Variants in MCC observed in about 807,000 individuals in gnomAD.
The protein encoded by MCC is MCC regulator of Wnt signaling pathway, also known as colorectal mutant cancer protein.
MCC carries 90 observed loss-of-function variants against 116.2 expected under a neutral mutation model. The ratio of observed to expected loss-of-function variants is 0.77; its 90% CI spans 0.65 to 0.92. The LOEUF is 0.92. MCC is among the 40% of genes least tolerant of loss of function. MCC has a pLI of 0.00. For synonymous variants in MCC, 578 were observed against 510.5 expected, an observed-to-expected ratio of 1.13 and a Z score of -1.78; for missense variants, 1,516 against 1,312.2, an observed-to-expected ratio of 1.16 and a Z score of -2.40.
chr5:113,047,539 T>C (rs28614469), intron 16 of MCC, among the ~76,000 whole-genome samples: 6,795 of 152,228 alleles, frequency 0.045, 527 homozygotes, highest in African/African-American at 0.15. Flanking sequence ...TCACATGACA[T>C]CAGTACTGTT....
At chr5:113,337,945 C>T (rs1767909950) in intron 3 of MCC, among the ~76,000 whole-genome samples, 1 of 152,160 alleles carries the variant, frequency 6.6e-6, no homozygotes, top group Admixed American at 6.5e-5. Context: ...AACAAACTAC[C>T]GCAAACACAA....
intron 3 of MCC, among the ~76,000 whole-genome samples, chr5:113,288,190 C>T (rs1038438416): frequency 5.9e-5 from 9 of 152,250 alleles, no homozygotes. Context: ...TGGCCACTAA[C>T]TTCACTGGGC....
intron 1 of MCC, among the ~76,000 whole-genome samples, chr5:113,476,463 T>C (rs1007628425): frequency 6.6e-6 from 1 of 152,282 alleles, no homozygotes; most frequent in African/African-American, 2.4e-5. Context: ...TTTCAACAAA[T>C]GGCTGTTGAC....
At chr5:113,117,850 A>G (rs796494101) in intron 6 of MCC, among the ~76,000 whole-genome samples, 2 of 152,308 alleles carry the variant, frequency 1.3e-5, no homozygotes, top group African/African-American at 4.8e-5. Flanking sequence ...GGGCCGCAAA[A>G]TCTGATTGCA....
At chr5:113,082,317 G>A (rs1754917285) in intron 11 of MCC, among the ~76,000 whole-genome samples, 2 of 152,280 alleles carry the variant, frequency 1.3e-5, no homozygotes, top group African/African-American at 4.8e-5. Flanking sequence ...CCATCAGGAA[G>A]ATGATCTAAA....
In MCC at chr5:113,027,546, T is replaced by G; in HGVS notation, c.2880-64A>C. On this transcript the variant is annotated intron_variant, in intron 18 of 18. Coordinates refer to ENST00000408903, the MANE Select transcript of MCC (RefSeq NM_001085377.2). ...CCTAAGTAGCATCGTGACACCATCC[T>G]GTCCACTGGATAACCAGATCTAGTG... is the stretch of plus-strand genomic sequence containing the variant. 3 of 1,418,036 alleles carry G rather than the reference T, an allele frequency of 2.1e-6. No individual in the cohort carries two copies. The South Asian group carries it at 3.6e-5, about 17-fold the overall frequency. 87.8% of individuals were successfully genotyped at this position (1,418,036 alleles called of 1,614,324 possible).
chr5:113,166,246 A>G (rs570248498), intron 3 of MCC, among the ~76,000 whole-genome samples: 1 of 152,204 alleles, frequency 6.6e-6, no homozygotes, highest in South Asian at 2.1e-4. Flanking sequence ...TTTCCAACCT[A>G]GATAAAAATA....
At chr5:113,279,562 G>C (rs564763476) in intron 3 of MCC, among the ~76,000 whole-genome samples, 35 of 152,244 alleles carry the variant, frequency 2.3e-4, no homozygotes, top group African/African-American at 8.4e-4. Flanking sequence ...CATGGACTTC[G>C]TATCTTTGTA....
At chr5:113,206,295 A>G (rs182560817) in intron 3 of MCC, among the ~76,000 whole-genome samples, 19 of 152,318 alleles carry the variant, frequency 1.2e-4, no homozygotes, top group Non-Finnish European at 2.1e-4. Context: ...CTGGAATCCT[A>G]TTGTTCACCC....
At chr5:113,333,841 A>G (rs1333873443) in intron 3 of MCC, among the ~76,000 whole-genome samples, 4 of 127,844 alleles carry the variant, frequency 3.1e-5, no homozygotes, top group Non-Finnish European at 6.5e-5. Context: ...ATATGTATAT[A>G]TGTATATATG....
At chr5:113,270,558 G>A (rs111493096) in intron 3 of MCC, among the ~76,000 whole-genome samples, 6 of 150,384 alleles carry the variant, frequency 4.0e-5, no homozygotes, top group South Asian at 2.2e-4. Context: ...ACAATGTGTC[G>A]TCCCCTTTGC....
At chr5:113,323,341 T>A (rs1767472420) in intron 3 of MCC, 2 of 152,300 alleles carry the variant, frequency 1.3e-5, no homozygotes, top group South Asian at 4.1e-4. Context: ...CTGTAATAGG[T>A]AACTAATACA....
intron 1 of MCC, among the ~76,000 whole-genome samples, chr5:113,487,576 G>C (rs997379826): frequency 1.3e-5 from 2 of 152,176 alleles, no homozygotes; most frequent in African/African-American, 4.8e-5. Context: ...GGCGCCCGGA[G>C]CCACGCCGAA....
intron 3 of MCC, among the ~76,000 whole-genome samples, chr5:113,299,932 TC>T (rs1258483351): frequency 6.6e-6 from 1 of 152,146 alleles, no homozygotes; most frequent in African/African-American, 2.4e-5. Flanking sequence ...TCTCATCTGG[TC>T]CCTGGGATGA....
At position 113,027,073 on chromosome 5, in the gene MCC, C is replaced by A; in HGVS notation, c.*229G>T. The stretch of plus-strand genomic sequence containing the variant: ...AGCAGGCACAGAACATGTGTTTACA[C>A]GCTGTTGTGGGCCCAGGAGGGAAGA... On this transcript the variant is annotated 3_prime_UTR_variant, in exon 19 of 19. Transcript: ENST00000408903. 1 of 535,934 alleles carries A rather than the reference C, an allele frequency of 1.9e-6. No homozygotes were observed. The highest frequency in any genetic ancestry group is 3.4e-5 in the Admixed American group (1 of 29,492). The allele number at this position is 535,934 out of a possible 1,614,324, so 33.2% of individuals were successfully genotyped here.
At position 113,064,042 on chromosome 5, in the gene MCC, C is replaced by A. The variant is rs377672005; in HGVS notation, c.2155G>T (p.Ala719Ser). Residue 719 changes from alanine to serine, a missense_variant, in exon 14 of 19, where the codon GCC (alanine) becomes TCC (serine). Transcript: ENST00000408903. ...KLDGSCGGAF[A>S]VAGCSVQPWE... is the part of the protein sequence containing the mutation. ...GGCTGCACGCTGCAGCCGGCCACGG[C>A]AAAGGCTCCCCCACAGCTGCCGTCC... 2.4e-5 allele frequency: 38 copies of A among 1,614,062 alleles called. No homozygotes were observed.
At chr5:113,409,565 T>G (rs918336255) in intron 1 of MCC, among the ~76,000 whole-genome samples, 2 of 152,146 alleles carry the variant, frequency 1.3e-5, no homozygotes, top group Admixed American at 1.3e-4. Flanking sequence ...TAGCCCAGGC[T>G]GCTCTTGAAC....
chr5:113,101,617 G>C (rs1756415025), intron 8 of MCC, 122 bp downstream of exon 8: 1 of 943,960 alleles, frequency 1.1e-6, no homozygotes, highest in South Asian at 1.5e-5. Context: ...ACAGGAAAGA[G>C]ACAGTGATTC....
intron 1 of MCC, among the ~76,000 whole-genome samples, chr5:113,458,377 TC>T (rs1771641454): frequency 6.6e-6 from 1 of 151,266 alleles, no homozygotes; most frequent in African/African-American, 2.4e-5. Flanking sequence ...GCAGCTTCAC[TC>T]CTGAGCCAGC....
Sources: allele counts gnomAD v4.1 joint callset (sites outside exome capture counted in the v4.1 genomes callset), GRCh38; gene constraint gnomAD v4.1.1; transcripts MANE v1.5; gene names NCBI Gene and HGNC (gene_info 2026-07-23, HGNC 2026-07-21).